Variants in LGR5 observed in about 807,000 individuals in gnomAD.
LGR5 encodes leucine-rich repeat-containing G protein-coupled receptor 5.
In LGR5, 54 loss-of-function variants were observed where a neutral mutation model predicts 76.7. The ratio of observed to expected loss-of-function variants is 0.70; its 90% CI spans 0.57 to 0.88. LGR5 has a LOEUF of 0.88. Ranked by LOEUF, LGR5 falls within the 40% of genes least tolerant of loss-of-function variation. LGR5 has a pLI of 0.00. For synonymous variants in LGR5, 406 were observed against 421.9 expected, an observed-to-expected ratio of 0.96 and a Z score of 0.46; for missense variants, 1,078 against 1,073.3, an observed-to-expected ratio of 1.00 and a Z score of -0.06.
chr12:71,518,670 A>G (rs1264349811), intron 2 of LGR5, among the ~76,000 whole-genome samples: 1 of 152,276 alleles, frequency 6.6e-6, no homozygotes, highest in African/African-American at 2.4e-5. Context: ...ATTCAGCCAT[A>G]AAAAAGAACA....
chr12:71,482,651 G>C (rs549454471), intron 1 of LGR5, among the ~76,000 whole-genome samples: 2 of 152,158 alleles, frequency 1.3e-5, no homozygotes, highest in Admixed American at 1.3e-4. Context: ...ACTGGAAGGA[G>C]GGTGGGTGTT....
At chr12:71,448,845 T>A (rs1233089023) in intron 1 of LGR5, 1 of 152,272 alleles carries the variant, frequency 6.6e-6, no homozygotes, top group Non-Finnish European at 1.5e-5. Context: ...AGGATCTTCC[T>A]CTTTATTTTG....
At position 71,584,376 on chromosome 12, in the gene LGR5, C is replaced by T. The variant is rs1437375767; in HGVS notation, c.2366C>T (p.Ser789Phe). 1.2e-6 allele frequency: 2 copies of T among 1,614,198 alleles called. No homozygotes were observed. Among genetic ancestry groups the T allele is most frequent in the South Asian group, 1.1e-5 (1 of 91,082 alleles). The change falls in exon 18 of 18, where the codon TCT (serine) becomes TTT (phenylalanine). Residue 789 changes from serine to phenylalanine, a missense_variant. Transcript: ENST00000266674. ...CCTGTGGCTTTCTTGTCCTTCTCCT[C>T]TTTAATAAACCTTACATTTATCAGT... Reference protein sequence around the residue: ...NCPVAFLSFSSLINLTFISPE... With the variant: ...NCPVAFLSFSFLINLTFISPE...
chr12:71,505,401 T>C (rs1228748129), intron 2 of LGR5, among the ~76,000 whole-genome samples: 1 of 152,230 alleles, frequency 6.6e-6, no homozygotes, highest in Admixed American at 6.5e-5. Context: ...TCTTACGCTT[T>C]TGAATGATGG....
At chr12:71,496,106 T>C (rs112240935) in intron 1 of LGR5, among the ~76,000 whole-genome samples, 3,477 of 152,230 alleles carry the variant, frequency 0.023, 137 homozygotes, top group African/African-American at 0.079. Context: ...GCAAGGTGGC[T>C]CACGCCTGTA....
intron 4 of LGR5, among the ~76,000 whole-genome samples, chr12:71,539,438 T>C (rs1471863904): frequency 1.3e-5 from 2 of 152,206 alleles, no homozygotes; most frequent in East Asian, 3.8e-4. Context: ...AAAGATGTTT[T>C]GTTCATAATG....
chr12:71,531,793 G>A (rs1229492881), intron 3 of LGR5, among the ~76,000 whole-genome samples: 3 of 152,102 alleles, frequency 2.0e-5, no homozygotes, highest in Non-Finnish European at 4.4e-5. Context: ...GCTTGAACCC[G>A]GGAGGCGGAG....
At chr12:71,499,011 A>G (rs1874468348) in intron 1 of LGR5, among the ~76,000 whole-genome samples, 1 of 152,182 alleles carries the variant, frequency 6.6e-6, no homozygotes, top group African/African-American at 2.4e-5. Context: ...ACACACGAAG[A>G]CCGTGAATTT....
chr12:71,566,816 TTA>T, intron 10 of LGR5, 23 bp from the exon 11 acceptor site: 1 of 1,606,734 alleles, frequency 6.2e-7, no homozygotes, highest in Non-Finnish European at 8.5e-7. Flanking sequence ...AATGAAAGAA[TTA>T]TGTCTGGTTT....
intron 3 of LGR5, among the ~76,000 whole-genome samples, chr12:71,529,483 C>A (rs1206117945): frequency 6.6e-6 from 1 of 152,164 alleles, no homozygotes; most frequent in Non-Finnish European, 1.5e-5. Flanking sequence ...CCTCCCCCGA[C>A]CTGTGAGGAT....
intron 3 of LGR5, among the ~76,000 whole-genome samples, chr12:71,526,657 C>T (rs1416951502): frequency 2.6e-5 from 4 of 151,980 alleles, no homozygotes; most frequent in Admixed American, 6.6e-5. Context: ...GATAGTGGGA[C>T]GAAGACAGAA....
At chr12:71,535,719 A>T (rs536016954) in intron 4 of LGR5, among the ~76,000 whole-genome samples, 2 of 152,114 alleles carry the variant, frequency 1.3e-5, no homozygotes, top group African/African-American at 4.8e-5. Context: ...ATCACAGAAC[A>T]CAGATGTGCA....
At chr12:71,541,716 A>G (rs1181808383) in intron 4 of LGR5, among the ~76,000 whole-genome samples, 1 of 152,232 alleles carries the variant, frequency 6.6e-6, no homozygotes, top group African/African-American at 2.4e-5. Flanking sequence ...CTCATGAAGT[A>G]GGTGCTGAGA....
chr12:71,522,868 T>C (rs1475422861), intron 2 of LGR5, among the ~76,000 whole-genome samples: 1 of 152,160 alleles, frequency 6.6e-6, no homozygotes, highest in African/African-American at 2.4e-5. Flanking sequence ...TTGTAATCAG[T>C]GGGAAAGCAA....
chr12:71,565,158 G>A (rs907345200), intron 8 of LGR5, among the ~76,000 whole-genome samples: 1 of 151,930 alleles, frequency 6.6e-6, no homozygotes, highest in Non-Finnish European at 1.5e-5. Context: ...AGCTCAGTGG[G>A]TAGGACAGAA....
chr12:71,468,119 T>C (rs1381453691), intron 1 of LGR5, among the ~76,000 whole-genome samples: 1 of 152,206 alleles, frequency 6.6e-6, no homozygotes, highest in Non-Finnish European at 1.5e-5. Context: ...GTGCTGTAAA[T>C]GACAAACTGG....
At chr12:71,534,361 G>A (rs1184159778) in intron 3 of LGR5, among the ~76,000 whole-genome samples, 1 of 152,150 alleles carries the variant, frequency 6.6e-6, no homozygotes, top group Non-Finnish European at 1.5e-5. Flanking sequence ...ATTTTCAAGT[G>A]CAAGTGCAAA....
chr12:71,440,116 G>T lies in LGR5; in HGVS notation c.36G>T (p.Leu12Phe). 6.2e-7 allele frequency: 1 copy of T among 1,607,152 alleles called. No individual in the cohort carries two copies. The highest frequency in any genetic ancestry group is 1.1e-5 in the South Asian group (1 of 90,952). ...CCCGGCTCGGTGTGCTCCTGTCCTT[G>T]CCTGTGCTGCTGCAGCTGGCGACCG... is the stretch of plus-strand genomic sequence containing the variant. ...DTSRLGVLLS[L>F]PVLLQLATGG... The change falls in exon 1 of 18, where the codon TTG becomes TTT. Residue 12 changes from leucine to phenylalanine, a missense_variant. Leu to Phe is a conservative substitution (Grantham distance 22). Coordinates refer to ENST00000266674, the MANE Select transcript of LGR5 (RefSeq NM_003667.4). This position sits in a 1 kb window ranked among gnomAD's most constrained non-coding sequence, Gnocchi z 5.3.
At chr12:71,509,549 C>T (rs915588081) in intron 2 of LGR5, among the ~76,000 whole-genome samples, 21 of 152,254 alleles carry the variant, frequency 1.4e-4, no homozygotes, top group African/African-American at 3.6e-4. Flanking sequence ...CTTCCGTTAA[C>T]GCTTGCTATG....
Sources: allele counts gnomAD v4.1 joint callset (sites outside exome capture counted in the v4.1 genomes callset), GRCh38; gene constraint gnomAD v4.1.1; non-coding constraint Gnocchi (gnomAD v3.1); transcripts MANE v1.5; gene names NCBI Gene and HGNC (gene_info 2026-07-23, HGNC 2026-07-21).